Variants in LRP6 observed in about 807,000 individuals in gnomAD.
LRP6 encodes the protein LDL receptor related protein 6, also known as low-density lipoprotein receptor-related protein 6.
A neutral mutation model predicts 184.1 loss-of-function variants in LRP6; 43 were observed. The observed-to-expected ratio is 0.23, with a 90% CI of 0.18 to 0.30. The LOEUF (loss-of-function observed/expected upper bound fraction) is 0.30, where lower values mean the gene tolerates loss of function less well. Among genes scored for constraint, LRP6 ranks in the 10% least tolerant of loss-of-function variants. LRP6 has a pLI of 1.00. For synonymous variants in LRP6, 719 were observed against 684.9 expected, an observed-to-expected ratio of 1.05 and a Z score of -0.78; for missense variants, 1,571 against 2,005.3, an observed-to-expected ratio of 0.78 and a Z score of 4.14.
intron 2 of LRP6, chr12:12,211,007 C>G (rs534790665): frequency 6.6e-6 from 1 of 152,324 alleles, no homozygotes; most frequent in South Asian, 2.1e-4. Context: ...TACTTCTGCA[C>G]TTCCCCTCTA....
intron 7 of LRP6, among the ~76,000 whole-genome samples, chr12:12,174,734 C>T (rs1863128631): frequency 6.6e-6 from 1 of 152,146 alleles, no homozygotes; most frequent in Non-Finnish European, 1.5e-5. Flanking sequence ...GAAAATGTAG[C>T]CCTGCAATTT....
chr12:12,119,721 A>C lies in LRP6; in HGVS notation c.*1405T>G, dbSNP rs1210921465. The C allele has an allele frequency of 6.6e-6, 1 of 152,054 alleles. No homozygotes were observed. Among genetic ancestry groups the C allele is most frequent in the Non-Finnish European group, 1.5e-5 (1 of 68,004 alleles). The allele number at this position is 152,054 out of a possible 1,614,324, so 9.4% of individuals were successfully genotyped here. ...TGGGTAAGAGAGGACCCACATAAAAATATTGGGTGATTACAAGAATAATTT... is the reference window on the plus strand; with the variant it reads ...TGGGTAAGAGAGGACCCACATAAAACTATTGGGTGATTACAAGAATAATTT... On this transcript the variant is annotated 3_prime_UTR_variant, in exon 23 of 23. Transcript: ENST00000261349.
chr12:12,164,183 G>A, intron 9 of LRP6, 90 bp downstream of exon 9: 3 of 1,152,736 alleles, frequency 2.6e-6, no homozygotes, highest in Non-Finnish European at 3.8e-6. Flanking sequence ...GTCAAACAAT[G>A]AGGGAGGTGG....
chr12:12,220,627 C>T (rs1424557753), intron 2 of LRP6, among the ~76,000 whole-genome samples: 2 of 144,716 alleles, frequency 1.4e-5, no homozygotes, highest in Non-Finnish European at 1.5e-5. Context: ...GAGACAGGGT[C>T]TCACTCCATC....
chr12:12,266,364 A>C (rs900003517), intron 1 of LRP6, among the ~76,000 whole-genome samples: 1 of 152,184 alleles, frequency 6.6e-6, no homozygotes, highest in African/African-American at 2.4e-5. Context: ...GGAAGACCCC[A>C]GGCAGAGAGA....
At chr12:12,218,591 A>ATCAG (rs1864409087) in intron 2 of LRP6, among the ~76,000 whole-genome samples, 1 of 152,018 alleles carries the variant, frequency 6.6e-6, no homozygotes, top group Non-Finnish European at 1.5e-5. Flanking sequence ...CATGTTCAAC[A>ATCAG]TCAGTCAGTA....
rs144917599 is a variant in LRP6, at chr12:12,169,869, GT to G, written c.1546-4575del. On this transcript the variant is annotated intron_variant, in intron 7 of 22. Transcript: ENST00000261349. ...TTATTAAAGATTTTTTTAAAACCAC[GT>G]TTTGTAAGCACACTGTTTCCTTTAA... Among the ~76,000 whole-genome samples, 896 of 152,194 alleles carry G rather than the reference GT, an allele frequency of 5.9e-3. 7 individuals carry two copies. Among genetic ancestry groups the G allele is most frequent in the African/African-American group, 0.021 (854 of 41,510 alleles).
At chr12:12,248,971 C>A (rs1591985684) in intron 1 of LRP6, 2 of 504,992 alleles carry the variant, frequency 4.0e-6, no homozygotes, top group East Asian at 7.2e-5. Context: ...TTAAAGTTCA[C>A]AAGCAACAGC....
intron 16 of LRP6, among the ~76,000 whole-genome samples, chr12:12,136,093 A>G (rs1169313993): frequency 6.6e-6 from 1 of 152,124 alleles, no homozygotes; most frequent in Non-Finnish European, 1.5e-5. Context: ...AGGCTGAGGC[A>G]TAAGAATTGC....
intron 10 of LRP6, among the ~76,000 whole-genome samples, chr12:12,160,941 C>T (rs1000370783): frequency 6.6e-6 from 1 of 152,230 alleles, no homozygotes; most frequent in Non-Finnish European, 1.5e-5. Context: ...TGATAGCTGA[C>T]TTGGTAGCAA....
intron 7 of LRP6, 130 bp downstream of exon 7, chr12:12,179,680 T>C: frequency 2.3e-6 from 2 of 871,654 alleles, no homozygotes; most frequent in Non-Finnish European, 3.6e-6. Context: ...TGAGTAAAAT[T>C]TCTGTAAAAG....
At position 12,119,990 on chromosome 12, in the gene LRP6, AATATATAT is replaced by A. The variant is rs550587604; in HGVS notation, c.*1128_*1135del. 1,924 of 45,188 alleles carry A rather than the reference AATATATAT, an allele frequency of 0.043. 43 individuals are homozygous for A. Among genetic ancestry groups the A allele is most frequent in the South Asian group, 0.067 (65 of 964 alleles). 2.8% of individuals were successfully genotyped at this position (45,188 alleles called of 1,614,324 possible). A position where few individuals can be genotyped will look rare whatever the true frequency, so the allele number is the denominator to read the frequency against. ...ACTCAGAAAACAAACAAACAAACAAAATATATATATATATATATATATATATATATATA... is the reference window on the plus strand; with the variant it reads ...ACTCAGAAAACAAACAAACAAACAAAATATATATATATATATATATATATA... On this transcript the variant is annotated 3_prime_UTR_variant, in exon 23 of 23. Transcript: ENST00000261349.
At chr12:12,195,272 C>T (rs1415344572) in intron 3 of LRP6, among the ~76,000 whole-genome samples, 1 of 152,084 alleles carries the variant, frequency 6.6e-6, no homozygotes, top group Admixed American at 6.5e-5. Context: ...TGAGGAACTT[C>T]CATACTGTTC....
At position 12,137,156 on chromosome 12, in the gene LRP6, T is replaced by C. The variant is rs921622208; in HGVS notation, c.3607+1169A>G. 2.0e-5 allele frequency among the ~76,000 whole-genome samples: 3 copies of C among 152,214 alleles called. No individual in the cohort carries two copies. The East Asian group carries it at 5.8e-4, about 29-fold the overall frequency. Reference sequence around the variant, plus strand: ...CTCCTGTTTCTTCATTCTCCTTTCATGCTTAAATTCAATTTAAAAGCACTG... The same window carrying C: ...CTCCTGTTTCTTCATTCTCCTTTCACGCTTAAATTCAATTTAAAAGCACTG... On this transcript the variant is annotated intron_variant, in intron 16 of 22. Transcript: ENST00000261349.
At chr12:12,243,309 T>C (rs887243201) in intron 2 of LRP6, among the ~76,000 whole-genome samples, 1 of 152,238 alleles carries the variant, frequency 6.6e-6, no homozygotes. Flanking sequence ...TAAACCTTTA[T>C]TGCAAATATA....
At chr12:12,223,480 T>C (rs1864541336) in intron 2 of LRP6, among the ~76,000 whole-genome samples, 1 of 152,204 alleles carries the variant, frequency 6.6e-6, no homozygotes, top group South Asian at 2.1e-4. Flanking sequence ...GATGAAGGAA[T>C]CTGCACTTGT....
rs1862667395 is a variant in LRP6, at chr12:12,158,901, C to A, written c.2719G>T (p.Val907Leu). ...NGHCSHLCLAVPVGGFVCGCP... is the reference protein window; with the variant it reads ...NGHCSHLCLALPVGGFVCGCP... ...CCACAAACAAAACCCCCAACTGGCA[C>A]AGCCAAGCAGAGGTGGGAGCAGTGC... Residue 907 changes from valine (V) to leucine (L), a missense_variant, in exon 12 of 23, where the codon GTG becomes TTG. Coordinates refer to ENST00000261349, the MANE Select transcript of LRP6 (RefSeq NM_002336.3). 1 of 1,614,096 alleles carries A rather than the reference C, an allele frequency of 6.2e-7. No homozygotes were observed. The highest frequency in any genetic ancestry group is 1.7e-5 in the Admixed American group (1 of 60,010).
chr12:12,129,878 A>C (rs1169034647), intron 19 of LRP6, among the ~76,000 whole-genome samples: 6 of 152,022 alleles, frequency 3.9e-5, no homozygotes, highest in Non-Finnish European at 5.9e-5. Flanking sequence ...CCATTTTTCT[A>C]AGATGCCTTC....
chr12:12,192,392 A>AC (rs1186380696), intron 3 of LRP6, among the ~76,000 whole-genome samples: 2 of 151,866 alleles, frequency 1.3e-5, no homozygotes, highest in African/African-American at 4.8e-5. Context: ...TTAAAAAAAA[A>AC]AAAACACTAA....
Sources: allele counts gnomAD v4.1 joint callset (sites outside exome capture counted in the v4.1 genomes callset), GRCh38; gene constraint gnomAD v4.1.1; transcripts MANE v1.5; gene names NCBI Gene and HGNC (gene_info 2026-07-23, HGNC 2026-07-21).